The following DEPDC4 variants were observed in gnomAD, a reference collection of about 807,000 sequenced individuals.
DEPDC4 encodes the protein DEP domain-containing protein 4.
In DEPDC4, 52 loss-of-function variants were observed where a neutral mutation model predicts 52.0. The ratio of observed to expected loss-of-function variants is 1.00; its 90% CI spans 0.80 to 1.26. The LOEUF (loss-of-function observed/expected upper bound fraction) is 1.26, where lower values mean the gene tolerates loss of function less well. DEPDC4 is among the 50% of genes most tolerant of loss of function. The probability of loss-of-function intolerance (pLI) is 0.00; values close to 1 mark genes in which losing one functional copy is unlikely to be tolerated. For missense variants in DEPDC4, 530 were observed against 546.9 expected, an observed-to-expected ratio of 0.97 and a Z score of 0.31; for synonymous variants, 201 against 196.8, an observed-to-expected ratio of 1.02 and a Z score of -0.18.
chr12:100,231,859 C>T lies in DEPDC4; in HGVS notation c.*699+6109G>A, dbSNP rs146912034. ...ACTCAGGAGGCTGAGGCGGGAGAGT[C>T]GCTTGAACCTGAGAGGCAGAGGTTG... On this transcript the variant is annotated intron_variant and NMD_transcript_variant, in intron 9 of 10. Transcript: ENST00000378244. 2.0e-3 allele frequency among the ~76,000 whole-genome samples: 299 copies of T among 151,600 alleles called. 1 individual carries two copies. Among genetic ancestry groups the T allele is most frequent in the African/African-American group, 6.7e-3 (278 of 41,306 alleles).
At chr12:100,259,022 G>T (rs1379155958) in intron 3 of DEPDC4, among the ~76,000 whole-genome samples, 1 of 151,256 alleles carries the variant, frequency 6.6e-6, no homozygotes, top group Non-Finnish European at 1.5e-5. Flanking sequence ...AGTGAGCCGA[G>T]ATCGCACCAC....
chr12:100,277,785 C>T, the DEPDC4 span, among the ~76,000 whole-genome samples: 2 of 152,214 alleles, frequency 1.3e-5, no homozygotes, highest in South Asian at 2.1e-4. Flanking sequence ...GTTCCTTCCT[C>T]TTTTCCGCTT....
At chr12:100,253,137 A>G (rs1248074041) in intron 5 of DEPDC4, among the ~76,000 whole-genome samples, 1 of 152,104 alleles carries the variant, frequency 6.6e-6, no homozygotes, top group Non-Finnish European at 1.5e-5. Context: ...AGGCTGGTCT[A>G]GAACTCCTGA....
intron 1 of DEPDC4, among the ~76,000 whole-genome samples, chr12:100,266,560 G>GT (rs1226295054): frequency 2.0e-5 from 3 of 152,288 alleles, no homozygotes; most frequent in African/African-American, 7.2e-5. Context: ...CCTTGTTGCT[G>GT]TAAGTGTAGC....
chr12:100,244,384 T>C (rs150496885), intron 8 of DEPDC4, among the ~76,000 whole-genome samples: 9,577 of 151,374 alleles, frequency 0.063, 337 homozygotes, highest in Middle Eastern at 0.14. Flanking sequence ...GGTTTCACTG[T>C]GTTAGCCAGG....
chr12:100,274,530 C>G, the DEPDC4 span, among the ~76,000 whole-genome samples: 12 of 152,156 alleles, frequency 7.9e-5, no homozygotes, highest in African/African-American at 2.9e-4. Flanking sequence ...AAGCAAGGTA[C>G]AGCCTCCTTT....
chr12:100,256,071 T>C lies in DEPDC4; in HGVS notation c.856A>G (p.Ile286Val), dbSNP rs760899043. The C allele has an allele frequency of 3.7e-6, 6 of 1,606,710 alleles. No individual in the cohort carries two copies. Among genetic ancestry groups the C allele is most frequent in the African/African-American group, 1.3e-5 (1 of 74,670 alleles). ...ITNTCLDRELIPSLCLPEIDN... is the reference protein window; with the variant it reads ...ITNTCLDRELVPSLCLPEIDN... ...TACTCAGGTAGACATAAGCTTGGAA[T>C]AAGTTCTCTGTCTAGGCAAGTGTTA... Residue 286 changes from isoleucine (I) to valine (V), a missense_variant, in exon 4 of 10, where the codon ATT becomes GTT. Ile to Val is a conservative substitution (Grantham distance 29). Transcript: ENST00000550587.
intron 1 of DEPDC4, among the ~76,000 whole-genome samples, chr12:100,264,787 T>C (rs1215470224): frequency 6.6e-6 from 1 of 152,024 alleles, no homozygotes; most frequent in Non-Finnish European, 1.5e-5. Context: ...CTACCAAACA[T>C]TGTAGAGATA....
At position 100,259,079 on chromosome 12, in the gene DEPDC4, A is replaced by ATATATATATATATAT. The variant is rs1407814890; in HGVS notation, c.701-2854_701-2853insATATATATATATATA. ...GGGCAAAAATCTGTCTCAAAAAAAA[A>ATATATATATATATAT]AAATATATATATATATCCCATGTAC... On this transcript the variant is annotated intron_variant, in intron 3 of 9. Transcript: ENST00000550587. Among the ~76,000 whole-genome samples the ATATATATATATATAT allele has an allele frequency of 1.6e-3, 217 of 139,648 alleles. 1 individual carries two copies. In the Middle Eastern group the frequency reaches 0.023, roughly 15 times the overall value. 91.6% of individuals were successfully genotyped at this position (139,648 alleles called of 152,430 possible).
intron 3 of DEPDC4, chr12:100,257,681 T>C (rs1354044549): frequency 1.3e-5 from 2 of 152,300 alleles, no homozygotes; most frequent in Non-Finnish European, 2.9e-5. Context: ...AACCTATTTT[T>C]TGTTTTTTAA....
chr12:100,266,182 G>C (rs1296663756), intron 1 of DEPDC4, among the ~76,000 whole-genome samples: 1 of 148,030 alleles, frequency 6.8e-6, no homozygotes, highest in Non-Finnish European at 1.5e-5. Context: ...TAGAATCCAA[G>C]AACTTAAGCT....
intron 3 of DEPDC4, among the ~76,000 whole-genome samples, chr12:100,258,978 C>T (rs1483444758): frequency 2.6e-5 from 4 of 150,956 alleles, no homozygotes; most frequent in Non-Finnish European, 5.9e-5. Flanking sequence ...GGCTGAGGCA[C>T]AAGAATCACT....
the DEPDC4 span, among the ~76,000 whole-genome samples, chr12:100,279,195 T>C: frequency 6.6e-6 from 1 of 152,206 alleles, no homozygotes; most frequent in Non-Finnish European, 1.5e-5. Context: ...AGGGTGAAAC[T>C]CTTCTACCTC....
At chr12:100,252,801 A>G (rs2096213809) in intron 5 of DEPDC4, among the ~76,000 whole-genome samples, 1 of 152,258 alleles carries the variant, frequency 6.6e-6, no homozygotes, top group Non-Finnish European at 1.5e-5. Context: ...TTACACAGCT[A>G]AAAAATGACA....
At chr12:100,270,445 A>T (rs1342436212), upstream of DEPDC4, among the ~76,000 whole-genome samples, 1 of 152,122 alleles carries the variant, frequency 6.6e-6, no homozygotes, top group Admixed American at 6.5e-5. Flanking sequence ...TTAAAAAAAA[A>T]TTACAATAAT....
chr12:100,251,572 A>AT (rs556127084), intron 7 of DEPDC4, among the ~76,000 whole-genome samples: 2,440 of 140,206 alleles, frequency 0.017, 47 homozygotes, highest in African/African-American at 0.045. Context: ...CACCCCTGGC[A>AT]TTTTTTTTTT....
chr12:100,252,419 G>C lies in DEPDC4; in HGVS notation c.1223C>G (p.Pro408Arg). 6.3e-7 allele frequency: 1 copy of C among 1,586,956 alleles called. No homozygotes were observed. Among genetic ancestry groups the C allele is most frequent in the Non-Finnish European group, 8.5e-7 (1 of 1,172,622 alleles). The change falls in exon 6 of 10, where the codon CCC becomes CGC. Residue 408 changes from proline to arginine, a missense_variant. Physicochemically the swap from Pro to Arg is moderately radical, Grantham distance 103. Coordinates refer to ENST00000550587, the MANE Select transcript of DEPDC4 (RefSeq NM_001364818.2). ...LLTFMAMASE[P>R]NAYKLQKQYD... Reference sequence around the variant, plus strand: ...CTGTTTTTGCAACTTGTAGGCATTGGGCTCTGATGCCATTGCCATAAAAGT... The same window carrying C: ...CTGTTTTTGCAACTTGTAGGCATTGCGCTCTGATGCCATTGCCATAAAAGT...
At position 100,240,566 on chromosome 12, in the gene DEPDC4, CAAAG is replaced by C. The variant is rs757180079; in HGVS notation, c.*1322_*1325del. Among the ~76,000 whole-genome samples the C allele has an allele frequency of 5.9e-4, 88 of 150,334 alleles. No homozygotes were observed. Among genetic ancestry groups the C allele is most frequent in the Non-Finnish European group, 8.4e-4 (57 of 67,654 alleles). On this transcript the variant is annotated 3_prime_UTR_variant, in exon 10 of 10. Coordinates refer to ENST00000550587, the MANE Select transcript of DEPDC4 (RefSeq NM_001364818.2). Reference sequence around the variant, plus strand: ...ATAGAGTGAACTAACCAATTTAAAACAAAGAAAGAGAGAGAAGCAGGCAAGAAAA... The same window carrying C: ...ATAGAGTGAACTAACCAATTTAAAACAAAGAGAGAGAAGCAGGCAAGAAAA...
upstream of DEPDC4, chr12:100,267,639 G>T (rs947191956): frequency 6.6e-6 from 1 of 152,332 alleles, no homozygotes; most frequent in East Asian, 1.9e-4. Flanking sequence ...ATCCGAGAGG[G>T]CCGAGTCCTC....
Sources: gnomAD v4.1 joint callset for allele counts (sites outside exome capture counted in the v4.1 genomes callset) on GRCh38, gnomAD v4.1.1 for gene constraint, MANE v1.5 for transcripts, NCBI Gene and HGNC (gene_info 2026-07-23, HGNC 2026-07-21) for gene names.